YY1: variants seen among roughly 807,000 people sequenced by gnomAD.
YY1 encodes YY1 transcription factor.
Under a neutral mutation model 35.6 loss-of-function variants are expected in YY1, and 2 were observed. The observed-to-expected ratio is 0.06, with a 90% CI of 0.02 to 0.18. YY1 has a LOEUF of 0.18. Among genes scored for constraint, YY1 ranks in the 10% least tolerant of loss-of-function variants. The probability of loss-of-function intolerance (pLI) is 1.00; values close to 1 mark genes in which losing one functional copy is unlikely to be tolerated. For missense variants in YY1, 322 were observed against 573.4 expected, an observed-to-expected ratio of 0.56 and a Z score of 4.48; for synonymous variants, 268 against 238.9, an observed-to-expected ratio of 1.12 and a Z score of -1.12.
Position 100,276,745 on chromosome 14 carries a change from G to T in YY1, c.1062+97G>T. On this transcript the variant is annotated intron_variant, in intron 4 of 4. Coordinates refer to ENST00000262238, the MANE Select transcript of YY1 (RefSeq NM_003403.5). The surrounding 1 kb of genome is among the most constrained non-coding windows in gnomAD (Gnocchi z 4.1). ...ATGAGGCAGGAGGCGCCAGCCCAGA[G>T]ACTCAGGGTCTTATTACTCCTTGGT... 1 of 1,578,426 alleles carries T rather than the reference G, an allele frequency of 6.3e-7. No homozygotes were observed.
intron 1 of YY1, among the ~76,000 whole-genome samples, chr14:100,242,448 G>A (rs1480258311): frequency 1.4e-5 from 2 of 139,002 alleles, no homozygotes; most frequent in East Asian, 4.5e-4. Context: ...GTGTGCAGTG[G>A]CATGATCTCG....
chr14:100,273,126 G>A (rs1430779829), intron 2 of YY1, among the ~76,000 whole-genome samples: 5 of 151,616 alleles, frequency 3.3e-5, no homozygotes, highest in African/African-American at 9.7e-5. Flanking sequence ...CACCACACCC[G>A]GCTAATTTTT....
chr14:100,277,176 A>G lies in YY1; in HGVS notation c.1063-242A>G, dbSNP rs942782804. On this transcript the variant is annotated intron_variant, in intron 4 of 4. Coordinates refer to ENST00000262238, the MANE Select transcript of YY1 (RefSeq NM_003403.5). This position sits in a 1 kb window ranked among gnomAD's most constrained non-coding sequence, Gnocchi z 5.6. ...CAGCAGCACTAGGACTCTAGCCTGC[A>G]TTTAGGAAGACTTGCCATTTTGCCA... 5 of 585,178 alleles carry G rather than the reference A, an allele frequency of 8.5e-6. No homozygotes were observed. In the Admixed American group the frequency reaches 1.2e-4, roughly 14 times the overall value. 36.2% of individuals were successfully genotyped at this position (585,178 alleles called of 1,614,324 possible).
At chr14:100,266,334 A>G (rs930953952) in intron 2 of YY1, among the ~76,000 whole-genome samples, 3 of 152,158 alleles carry the variant, frequency 2.0e-5, no homozygotes, top group Non-Finnish European at 4.4e-5. Flanking sequence ...TACGAGAGAG[A>G]GGAATAAAAC....
At chr14:100,266,299 G>C (rs148728766) in intron 2 of YY1, among the ~76,000 whole-genome samples, 1 of 152,238 alleles carries the variant, frequency 6.6e-6, no homozygotes, top group East Asian at 1.9e-4. Context: ...GCATCATTCA[G>C]ACAAATAGAA....
At chr14:100,244,131 G>A (rs560323532) in intron 1 of YY1, among the ~76,000 whole-genome samples, 1 of 151,788 alleles carries the variant, frequency 6.6e-6, no homozygotes, top group East Asian at 1.9e-4. Context: ...AAAATTAGTG[G>A]GAGTCATCAT....
intron 1 of YY1, among the ~76,000 whole-genome samples, chr14:100,250,775 G>A (rs1890912725): frequency 6.6e-6 from 1 of 151,206 alleles, no homozygotes. Context: ...GAGGTGGGAG[G>A]ATCTGAGGCC....
At position 100,256,440 on chromosome 14, in the gene YY1, T is replaced by C. The variant is rs564597629; in HGVS notation, c.680-5864T>C. Among the ~76,000 whole-genome samples, 4 of 152,344 alleles carry C rather than the reference T, an allele frequency of 2.6e-5. No individual in the cohort carries two copies. The East Asian group carries it at 7.7e-4, about 29-fold the overall frequency. Reference sequence around the variant, plus strand: ...CCTCCCCAACCCATCTGATTAATTATCTAGCCATGTTTATTTCTCCATCCA... The same window carrying C: ...CCTCCCCAACCCATCTGATTAATTACCTAGCCATGTTTATTTCTCCATCCA... On this transcript the variant is annotated intron_variant, in intron 1 of 4. Transcript: ENST00000262238.
chr14:100,249,883 C>G (rs1890899548), intron 1 of YY1, among the ~76,000 whole-genome samples: 1 of 151,886 alleles, frequency 6.6e-6, no homozygotes, highest in Non-Finnish European at 1.5e-5. Flanking sequence ...AAGCAATTCT[C>G]CTACTTCAGG....
chr14:100,270,456 C>CA (rs34083329), intron 2 of YY1, among the ~76,000 whole-genome samples: 3,175 of 98,028 alleles, frequency 0.032, 145 homozygotes, highest in East Asian at 0.1. Flanking sequence ...ACTAAAAATA[C>CA]AAAAAAAAAA....
chr14:100,249,764 G>T (rs61992936), intron 1 of YY1, among the ~76,000 whole-genome samples: 4,753 of 134,582 alleles, frequency 0.035, 125 homozygotes, highest in Non-Finnish European at 0.05. Flanking sequence ...TTTTTTGTTT[G>T]TTTTTGTTTT....
In YY1 at chr14:100,281,031, GCCT is replaced by G. The variant is rs1891415727; in HGVS notation, c.*3432_*3434del. On this transcript the variant is annotated 3_prime_UTR_variant, in exon 5 of 5. Coordinates refer to ENST00000262238, the MANE Select transcript of YY1 (RefSeq NM_003403.5). ...GCCGAGATCGCACCACTGCACTCCA[GCCT>G]GGGTGACAGAGCAAGACTCCGTCTC... is the stretch of plus-strand genomic sequence containing the variant. 1 of 121,808 alleles carries G rather than the reference GCCT, an allele frequency of 8.2e-6. No individual in the cohort carries two copies. The highest frequency in any genetic ancestry group is 1.6e-5 in the Non-Finnish European group (1 of 63,060). 7.5% of individuals were successfully genotyped at this position (121,808 alleles called of 1,614,324 possible).
intron 1 of YY1, among the ~76,000 whole-genome samples, chr14:100,244,895 A>G (rs969951112): frequency 2.7e-5 from 4 of 149,938 alleles, no homozygotes; most frequent in East Asian, 2.0e-4. Context: ...TGTCATACAC[A>G]TGTTTAGTTT....
intron 1 of YY1, among the ~76,000 whole-genome samples, chr14:100,248,778 C>T (rs1353958039): frequency 6.6e-6 from 1 of 150,418 alleles, no homozygotes; most frequent in Non-Finnish European, 1.5e-5. Flanking sequence ...AGCTCTGCCT[C>T]CCGGGTTCAC....
At position 100,282,295 on chromosome 14, in the gene YY1, T is replaced by A. The variant is rs1157380316; in HGVS notation, c.*4695T>A. 3.2e-5 allele frequency: 1 copy of A among 31,714 alleles called. No homozygotes were observed. The allele number at this position is 31,714 out of a possible 1,614,324, so 2.0% of individuals were successfully genotyped here. A position where few individuals can be genotyped will look rare whatever the true frequency, so the allele number is the denominator to read the frequency against. ...CGCTTTTCATGAGACACCCAGATGC[T>A]GTAAAAAAAAAAAACAGCACTGGGA... is the stretch of plus-strand genomic sequence containing the variant. On this transcript the variant is annotated 3_prime_UTR_variant, in exon 5 of 5. Transcript: ENST00000262238.
chr14:100,262,344 A>G lies in YY1; in HGVS notation c.720A>G (p.Glu240=). 1 of 1,614,104 alleles carries G rather than the reference A, an allele frequency of 6.2e-7. No individual in the cohort carries two copies. The highest frequency in any genetic ancestry group is 8.5e-7 in the Non-Finnish European group (1 of 1,180,048). Residue 240 remains glutamate, a synonymous_variant, in exon 2 of 5, where the codon GAA becomes GAG. Transcript: ENST00000262238. ...TTGACCATGAGACAGTGGTTGAAGA[A>G]CAGATCATTGGAGAGAACTCACCTC... ...KDIDHETVVE[E]QIIGENSPPD... is the part of the protein sequence containing the mutation.
chr14:100,259,400 G>C (rs983619097), intron 1 of YY1, among the ~76,000 whole-genome samples: 4 of 152,134 alleles, frequency 2.6e-5, no homozygotes, highest in Admixed American at 1.3e-4. Flanking sequence ...TGTGCCTGTA[G>C]TCCCAGCTAA....
intron 2 of YY1, among the ~76,000 whole-genome samples, chr14:100,268,887 T>C (rs1891192204): frequency 6.6e-6 from 1 of 152,216 alleles, no homozygotes; most frequent in East Asian, 1.9e-4. Flanking sequence ...CAAAAATGTT[T>C]CATCTCCCTT....
At chr14:100,254,036 A>G (rs974425388) in intron 1 of YY1, among the ~76,000 whole-genome samples, 1 of 151,288 alleles carries the variant, frequency 6.6e-6, no homozygotes, top group Non-Finnish European at 1.5e-5. Flanking sequence ...GGGTTTCACC[A>G]TGTTGGCCAG....
Sources: allele counts gnomAD v4.1 joint callset (sites outside exome capture counted in the v4.1 genomes callset), GRCh38; gene constraint gnomAD v4.1.1; non-coding constraint Gnocchi (gnomAD v3.1); transcripts MANE v1.5; gene names NCBI Gene and HGNC (gene_info 2026-07-23, HGNC 2026-07-21).